CTNNA2: variants seen among roughly 807,000 people sequenced by gnomAD.
The protein encoded by CTNNA2 is catenin alpha-2.
CTNNA2 carries 42 observed loss-of-function variants against 101.0 expected under a neutral mutation model. The ratio of observed to expected loss-of-function variants is 0.42; its 90% CI spans 0.32 to 0.54. The LOEUF (loss-of-function observed/expected upper bound fraction) is 0.54. Ranked by LOEUF, CTNNA2 falls within the 20% of genes least tolerant of loss-of-function variation. The probability of loss-of-function intolerance (pLI) is 0.14; values close to 1 mark genes in which losing one functional copy is unlikely to be tolerated. For synonymous variants in CTNNA2, 450 were observed against 456.4 expected (o/e 0.99, Z 0.18); for missense variants, 871 against 1,223.1 (o/e 0.71, Z 4.29).
At chr2:79,535,329 G>C (rs974453308) in intron 1 of CTNNA2, among the ~76,000 whole-genome samples, 1 of 151,032 alleles carries the variant, frequency 6.6e-6, no homozygotes, top group Admixed American at 6.6e-5. Context: ...CTCAGCCTCC[G>C]GAGTAGCTGG....
chr2:80,433,273 G>T (rs1224108437), intron 9 of CTNNA2, among the ~76,000 whole-genome samples: 1 of 152,024 alleles, frequency 6.6e-6, no homozygotes, highest in Non-Finnish European at 1.5e-5. Flanking sequence ...GTCCATCCTG[G>T]CTGGCCAACG....
At chr2:79,666,574 A>G (rs958773449) in intron 2 of CTNNA2, among the ~76,000 whole-genome samples, 11 of 152,182 alleles carry the variant, frequency 7.2e-5, no homozygotes, top group African/African-American at 2.4e-4. Flanking sequence ...TGTCATCATT[A>G]TTCAGAATCT....
At chr2:80,375,867 A>ACCGT (rs1559056331) in intron 7 of CTNNA2, among the ~76,000 whole-genome samples, 6 of 151,608 alleles carry the variant, frequency 4.0e-5, no homozygotes, top group Non-Finnish European at 7.4e-5. Context: ...CTGGCCTTCA[A>ACCGT]GTCAGACTTA....
intron 7 of CTNNA2, chr2:80,305,425 T>A: frequency 1.0e-6 from 1 of 966,326 alleles, no homozygotes; most frequent in Non-Finnish European, 1.2e-6. Context: ...ACGATTGTAC[T>A]GTCTGACATG....
chr2:79,191,632 C>A (rs12621826), intron 1 of CTNNA2, among the ~76,000 whole-genome samples: 2 of 152,280 alleles, frequency 1.3e-5, no homozygotes, highest in South Asian at 2.1e-4. Context: ...AGGGCTACAA[C>A]TTGCAGGCTG....
At chr2:79,733,537 A>G (rs1687330834) in intron 2 of CTNNA2, among the ~76,000 whole-genome samples, 1 of 151,862 alleles carries the variant, frequency 6.6e-6, no homozygotes, top group Admixed American at 6.6e-5. Context: ...TTTAAGACTT[A>G]AACCCACTTA....
intron 2 of CTNNA2, among the ~76,000 whole-genome samples, chr2:79,307,573 A>T (rs1676276286): frequency 6.6e-6 from 1 of 152,296 alleles, no homozygotes; most frequent in Non-Finnish European, 1.5e-5. Flanking sequence ...TTTATGGCTG[A>T]ATAGTATTCT....
Position 80,378,278 on chromosome 2 carries a change from C to T in CTNNA2, c.1057-14933C>T, listed in dbSNP as rs1028740246. ...GGCTGAGGCAGGAGAATCACTTGAACGCAGGAGACGGAGCTTGCAGTGAGC... is the reference window on the plus strand; with the variant it reads ...GGCTGAGGCAGGAGAATCACTTGAATGCAGGAGACGGAGCTTGCAGTGAGC... On this transcript the variant is annotated intron_variant, in intron 7 of 18. Coordinates refer to ENST00000402739, the MANE Select transcript of CTNNA2 (RefSeq NM_001282597.3). Among the ~76,000 whole-genome samples, 73 of 151,912 alleles carry T rather than the reference C, an allele frequency of 4.8e-4. 2 individuals are homozygous for T. The highest frequency in any genetic ancestry group is 1.3e-3 in the African/African-American group (55 of 41,402).
At chr2:80,643,350 A>G (rs1432668599) in intron 18 of CTNNA2, among the ~76,000 whole-genome samples, 1 of 152,188 alleles carries the variant, frequency 6.6e-6, no homozygotes, top group South Asian at 2.1e-4. Flanking sequence ...ATATGCTTCT[A>G]AGTCTCAATT....
chr2:80,396,569 T>A (rs965749761), intron 8 of CTNNA2, among the ~76,000 whole-genome samples: 3 of 152,218 alleles, frequency 2.0e-5, no homozygotes, highest in Non-Finnish European at 1.5e-5. Context: ...TTCTGCCAAC[T>A]GTACCCCTAT....
At chr2:79,637,946 C>G (rs1416721472) in intron 1 of CTNNA2, among the ~76,000 whole-genome samples, 2 of 152,174 alleles carry the variant, frequency 1.3e-5, no homozygotes, top group African/African-American at 4.8e-5. Flanking sequence ...TAACATAGGT[C>G]AAGTGCCTGA....
At chr2:80,398,781 T>C (rs1678282162) in intron 8 of CTNNA2, among the ~76,000 whole-genome samples, 1 of 150,854 alleles carries the variant, frequency 6.6e-6, no homozygotes, top group African/African-American at 2.4e-5. Flanking sequence ...GCAGGAGGAT[T>C]GCTTGAGCCC....
In CTNNA2 at chr2:79,812,753, A is replaced by G. The variant is rs1309439435; in HGVS notation, c.299-45260A>G. On this transcript the variant is annotated intron_variant, in intron 3 of 18. Transcript: ENST00000402739. ...GTCACCCAGATTTCTCCTGAAGCATAAAAGACCTAGTCCCCAACCTGAGAG... is the reference window on the plus strand; with the variant it reads ...GTCACCCAGATTTCTCCTGAAGCATGAAAGACCTAGTCCCCAACCTGAGAG... Among the ~76,000 whole-genome samples, 8 of 152,254 alleles carry G rather than the reference A, an allele frequency of 5.3e-5. No homozygotes were observed. In the East Asian group the frequency reaches 1.2e-3, roughly 22 times the overall value.
chr2:80,495,247 C>T (rs1687357850), intron 9 of CTNNA2, among the ~76,000 whole-genome samples: 1 of 152,196 alleles, frequency 6.6e-6, no homozygotes, highest in African/African-American at 2.4e-5. Flanking sequence ...ATTCAAGTTC[C>T]TATTAATACA....
At chr2:80,402,493 C>T (rs1476248800) in intron 8 of CTNNA2, among the ~76,000 whole-genome samples, 2 of 152,026 alleles carry the variant, frequency 1.3e-5, no homozygotes, top group African/African-American at 4.8e-5. Context: ...AGGAGCCCAT[C>T]AAAAATTGCC....
intron 9 of CTNNA2, among the ~76,000 whole-genome samples, chr2:80,532,574 C>T (rs550888144): frequency 3.4e-4 from 52 of 152,282 alleles, no homozygotes; most frequent in African/African-American, 1.3e-3. Context: ...TTGTCAATCT[C>T]TTACTGTTCC....
At chr2:80,503,304 AT>A (rs2149536576) in intron 9 of CTNNA2, among the ~76,000 whole-genome samples, 1 of 152,322 alleles carries the variant, frequency 6.6e-6, no homozygotes, top group South Asian at 2.1e-4. Context: ...CCACCTATTA[AT>A]TTCAGAGAAG....
At chr2:80,212,137 T>C (rs1247192870) in intron 7 of CTNNA2, among the ~76,000 whole-genome samples, 6 of 152,218 alleles carry the variant, frequency 3.9e-5, no homozygotes, top group Non-Finnish European at 5.9e-5. Flanking sequence ...TGGGGTTTTC[T>C]AGATATACAA....
intron 7 of CTNNA2, among the ~76,000 whole-genome samples, chr2:80,143,849 C>G (rs1453994014): frequency 1.3e-5 from 2 of 152,122 alleles, no homozygotes; most frequent in African/African-American, 2.4e-5. Flanking sequence ...AGTGTGACAA[C>G]TTACTTGTCA....
Sources: allele counts gnomAD v4.1 joint callset (sites outside exome capture counted in the v4.1 genomes callset), GRCh38; gene constraint gnomAD v4.1.1; transcripts MANE v1.5; gene names NCBI Gene and HGNC (gene_info 2026-07-23, HGNC 2026-07-21).